NFIB: variants seen among roughly 807,000 people sequenced by gnomAD.
The protein encoded by NFIB is nuclear factor I B.
In NFIB, 11 loss-of-function variants were observed where a neutral mutation model predicts 61.5. The ratio of observed to expected loss-of-function variants is 0.18; its 90% confidence interval spans 0.11 to 0.30. The LOEUF (loss-of-function observed/expected upper bound fraction) is 0.30, where lower values mean the gene tolerates loss of function less well. NFIB is among the 10% of genes least tolerant of loss of function. The pLI is 1.00. For synonymous variants in NFIB, 260 were observed against 216.5 expected (o/e 1.20, Z -1.76); for missense variants, 471 against 608.9 (o/e 0.77, Z 2.38).
intron 1 of NFIB, among the ~76,000 whole-genome samples, chr9:14,322,525 C>T (rs1248442359): frequency 6.6e-6 from 1 of 152,106 alleles, no homozygotes; most frequent in Non-Finnish European, 1.5e-5. Flanking sequence ...GCGCCCGGCC[C>T]GCGCTCCTCC....
intron 2 of NFIB, among the ~76,000 whole-genome samples, chr9:14,182,027 T>C (rs1193196297): frequency 6.6e-6 from 1 of 152,186 alleles, no homozygotes; most frequent in Non-Finnish European, 1.5e-5. Flanking sequence ...AAAAGTCTCT[T>C]CCATTCGTAA....
At chr9:14,194,202 G>A (rs777273812) in intron 2 of NFIB, among the ~76,000 whole-genome samples, 11 of 152,108 alleles carry the variant, frequency 7.2e-5, no homozygotes, top group Non-Finnish European at 1.5e-5. Flanking sequence ...AAAATGGGTT[G>A]GAGTCTAAAT....
intron 1 of NFIB, among the ~76,000 whole-genome samples, chr9:14,368,509 G>A (rs1247299685): frequency 2.0e-5 from 3 of 152,200 alleles, no homozygotes; most frequent in Non-Finnish European, 4.4e-5. Context: ...ACTGGTTACG[G>A]TGCAACTGCA....
At chr9:14,475,864 C>T in the NFIB span, among the ~76,000 whole-genome samples, 5 of 152,136 alleles carry the variant, frequency 3.3e-5, no homozygotes, top group Admixed American at 2.6e-4. Flanking sequence ...AATTAGCGGG[C>T]TCCTTTTCTT....
At chr9:14,299,867 A>G (rs1463215995) in intron 2 of NFIB, among the ~76,000 whole-genome samples, 1 of 152,176 alleles carries the variant, frequency 6.6e-6, no homozygotes, top group Non-Finnish European at 1.5e-5. Flanking sequence ...AAGGTTTTTT[A>G]AAAATGTGTG....
intron 10 of NFIB, among the ~76,000 whole-genome samples, chr9:14,103,899 T>C (rs2118875483): frequency 1.3e-5 from 2 of 151,832 alleles, no homozygotes; most frequent in East Asian, 3.9e-4. Flanking sequence ...AATCAGTAAA[T>C]AAATTAGAAA....
the NFIB span, among the ~76,000 whole-genome samples, chr9:14,453,422 A>G: frequency 2.0e-5 from 3 of 152,214 alleles, no homozygotes; most frequent in South Asian, 4.1e-4. Context: ...TTACATCCTA[A>G]TAGGTTTTTA....
At chr9:14,099,170 C>T (rs910527522) in intron 10 of NFIB, among the ~76,000 whole-genome samples, 7 of 152,148 alleles carry the variant, frequency 4.6e-5, no homozygotes, top group African/African-American at 1.7e-4. Context: ...AAAACCAAAA[C>T]ACCCGTTTTG....
At chr9:14,504,925 T>C in the NFIB span, among the ~76,000 whole-genome samples, 13 of 152,182 alleles carry the variant, frequency 8.5e-5, 1 homozygote, top group Admixed American at 7.9e-4. Flanking sequence ...TCAGGGGAAA[T>C]GCTTTCAACT....
chr9:14,523,712 T>C, the NFIB span, among the ~76,000 whole-genome samples: 1 of 152,144 alleles, frequency 6.6e-6, no homozygotes, highest in Non-Finnish European at 1.5e-5. Flanking sequence ...TCTAACTTAT[T>C]AGACCCCTGA....
At chr9:14,381,969 G>T (rs1294137757) in intron 1 of NFIB, among the ~76,000 whole-genome samples, 2 of 152,224 alleles carry the variant, frequency 1.3e-5, no homozygotes, top group Non-Finnish European at 2.9e-5. Context: ...AGCCTTTCAG[G>T]TCTGGCTTAG....
At chr9:14,147,603 G>A (rs1430320139) in intron 5 of NFIB, among the ~76,000 whole-genome samples, 1 of 144,308 alleles carries the variant, frequency 6.9e-6, no homozygotes, top group Non-Finnish European at 1.5e-5. Context: ...AAAAAAAGAA[G>A]GCCACTGCCA....
At chr9:14,505,550 G>A in the NFIB span, among the ~76,000 whole-genome samples, 4 of 152,174 alleles carry the variant, frequency 2.6e-5, no homozygotes, top group Non-Finnish European at 4.4e-5. Context: ...ACTAGGGGCT[G>A]CTGGTGGTAC....
rs907833179 is a variant in NFIB, at chr9:14,113,184, A to C, written c.1385-103T>G. 43 of 900,320 alleles carry C rather than the reference A, an allele frequency of 4.8e-5. No homozygotes were observed. In the African/African-American group the frequency reaches 6.3e-4, roughly 13 times the overall value. 55.8% of individuals were successfully genotyped at this position (900,320 alleles called of 1,614,324 possible). A position where few individuals can be genotyped will look rare whatever the true frequency, so the allele number is the denominator to read the frequency against. On this transcript the variant is annotated intron_variant, in intron 9 of 10. Coordinates refer to ENST00000380953, the MANE Select transcript of NFIB (RefSeq NM_001190737.2). ...CAGAGAAGTGGGATTTGCAACCAAA[A>C]AAAAAAAGTGTCTTCATTTCTCTTC...
chr9:14,521,483 G>A, the NFIB span, among the ~76,000 whole-genome samples: 1 of 152,132 alleles, frequency 6.6e-6, no homozygotes, highest in Admixed American at 6.6e-5. Context: ...CTGGGCCTCA[G>A]TATTTTTCTG....
the NFIB span, among the ~76,000 whole-genome samples, chr9:14,428,331 A>C: frequency 6.6e-6 from 1 of 152,080 alleles, no homozygotes; most frequent in Non-Finnish European, 1.5e-5. Flanking sequence ...GCAAGTAGTG[A>C]GGTGTGTGAG....
chr9:14,413,090 G>T, the NFIB span, among the ~76,000 whole-genome samples: 2 of 152,100 alleles, frequency 1.3e-5, no homozygotes, highest in South Asian at 4.1e-4. Context: ...GCTCTGAACT[G>T]CCTTCCCATC....
chr9:14,105,590 A>C (rs1055185945), intron 10 of NFIB, among the ~76,000 whole-genome samples: 3 of 152,102 alleles, frequency 2.0e-5, no homozygotes, highest in Non-Finnish European at 2.9e-5. Context: ...CTCCCTGATA[A>C]AGTGAAATTT....
intron 2 of NFIB, among the ~76,000 whole-genome samples, chr9:14,189,084 A>C (rs2047666861): frequency 6.6e-6 from 1 of 152,220 alleles, no homozygotes; most frequent in Non-Finnish European, 1.5e-5. Flanking sequence ...CATTTATGTT[A>C]CTACCTAGCA....
Sources: gnomAD v4.1 joint callset for allele counts (sites outside exome capture counted in the v4.1 genomes callset) on GRCh38, gnomAD v4.1.1 for gene constraint, MANE v1.5 for transcripts, NCBI Gene and HGNC (gene_info 2026-07-23, HGNC 2026-07-21) for gene names.